The following INTS6 variants were observed in gnomAD, a reference collection of about 807,000 sequenced individuals.
INTS6 encodes the protein DEAD box protein.
INTS6 carries 16 observed loss-of-function variants against 104.9 expected under a neutral mutation model. That is an observed-to-expected ratio of 0.15 (90% CI 0.10 to 0.23). The LOEUF (loss-of-function observed/expected upper bound fraction) is 0.23, where lower values mean the gene tolerates loss of function less well. Ranked by LOEUF, INTS6 falls within the 10% of genes least tolerant of loss-of-function variation. The pLI is 1.00. For missense variants in INTS6, 584 were observed against 1,062.8 expected (o/e 0.55, Z 6.26); for synonymous variants, 324 against 358.7 (o/e 0.90, Z 1.09).
chr13:51,348,528 A>C, the INTS6 span: 1 of 758,596 alleles, frequency 1.3e-6, no homozygotes, highest in Non-Finnish European at 2.1e-6. Context: ...TGACTTGTTT[A>C]ATATGTATCC....
Position 51,382,123 on chromosome 13 carries a change from T to C in INTS6, c.1181A>G (p.Asp394Gly), listed in dbSNP as rs1956063044. The C allele has an allele frequency of 6.3e-7, 1 of 1,590,224 alleles. No homozygotes were observed. Among genetic ancestry groups the C allele is most frequent in the Non-Finnish European group, 8.6e-7 (1 of 1,160,246 alleles). ...YNYPVLLPLL[D>G]DLFKVHKAKP... ...TGCTTTATGCACTTTAAACAAGTCA[T>C]CTAGAAACGTATAATGTGAACAAAC... is the stretch of plus-strand genomic sequence containing the variant. The change falls in exon 10 of 18, where the codon GAT (aspartate) becomes GGT (glycine). Residue 394 changes from aspartate to glycine, a missense_variant and splice_region_variant. By Grantham distance (94) the Asp-to-Gly change is moderately conservative (BLOSUM62 -1). Around this residue, in one of 5 missense-constraint regions of INTS6, gnomAD observed 144 missense variants for 348.7 expected, o/e 0.41. Coordinates refer to ENST00000311234, the MANE Select transcript of INTS6 (RefSeq NM_012141.3).
chr13:51,397,674 T>C (rs184401717), intron 4 of INTS6, among the ~76,000 whole-genome samples: 45 of 152,324 alleles, frequency 3.0e-4, no homozygotes, highest in Admixed American at 2.7e-3. Flanking sequence ...ACTTGGTCAT[T>C]TTCTCTCTAA....
chr13:51,374,852 A>C (rs547579169), intron 13 of INTS6, 56 bp from the exon 14 acceptor site: 1 of 1,563,666 alleles, frequency 6.4e-7, no homozygotes, highest in South Asian at 1.1e-5. Context: ...TTCTCAAATA[A>C]TGTTTCCTTA....
At chr13:51,389,530 A>C (rs950164756) in intron 5 of INTS6, 86 bp from the exon 6 acceptor site, 31 of 1,295,994 alleles carry the variant, frequency 2.4e-5, no homozygotes, top group East Asian at 5.4e-5. Context: ...GCAAGAAAAA[A>C]ACAACTGTGG....
chr13:51,394,028 T>A (rs1255422964), intron 5 of INTS6, among the ~76,000 whole-genome samples: 7 of 141,440 alleles, frequency 4.9e-5, no homozygotes, highest in South Asian at 2.3e-4. Context: ...CCCCAGAGTT[T>A]AAAAAAAAAA....
At chr13:51,337,108 A>G in the INTS6 span, among the ~76,000 whole-genome samples, 1 of 152,128 alleles carries the variant, frequency 6.6e-6, no homozygotes, top group Non-Finnish European at 1.5e-5. Flanking sequence ...GTTCCCTCAG[A>G]CTTCTTTTAA....
Position 51,355,114 on chromosome 13 carries a change from C to T in INTS6, n.431-778G>A, listed in dbSNP as rs778775448. ...TGGGGAGTCACCGATCTTTTTGATCCACTCAAAGCTAACTTGAAAGGAATT... is the reference window on the plus strand; with the variant it reads ...TGGGGAGTCACCGATCTTTTTGATCTACTCAAAGCTAACTTGAAAGGAATT... On this transcript the variant is annotated intron_variant and non_coding_transcript_variant, in intron 3 of 3. Coordinates refer to the INTS6 transcript ENST00000476666. The T allele has an allele frequency of 1.7e-5, 26 of 1,543,802 alleles. No homozygotes were observed. The highest frequency in any genetic ancestry group is 2.2e-5 in the Non-Finnish European group (25 of 1,138,318).
chr13:51,355,209 T>G, intron 3 of INTS6: 1 of 751,938 alleles, frequency 1.3e-6, no homozygotes, highest in Non-Finnish European at 2.3e-6. Flanking sequence ...ATACTTTGAT[T>G]AAGGGATTCT....
In INTS6 at chr13:51,362,375, G is replaced by T. The variant is rs112585939; in HGVS notation, c.*3377C>A. ...GATCTTTCTCAAAAATCAAATGTTTGCCCTAGTACTTTTAAGTCCTACTAC... is the reference window on the plus strand; with the variant it reads ...GATCTTTCTCAAAAATCAAATGTTTTCCCTAGTACTTTTAAGTCCTACTAC... On this transcript the variant is annotated 3_prime_UTR_variant, in exon 18 of 18. Transcript: ENST00000311234. 0.012 allele frequency: 1,987 copies of T among 168,594 alleles called. 32 individuals carry two copies. The highest frequency in any genetic ancestry group is 0.07 in the East Asian group (389 of 5,570). The allele number at this position is 168,594 out of a possible 1,614,324, so 10.4% of individuals were successfully genotyped here.
At chr13:51,440,942 TA>T (rs1306375633) in intron 3 of INTS6, 1 of 152,200 alleles carries the variant, frequency 6.6e-6, no homozygotes, top group Non-Finnish European at 1.5e-5. Flanking sequence ...GGTTTCAGAC[TA>T]AAAAGCTTTT....
intron 11 of INTS6, among the ~76,000 whole-genome samples, chr13:51,378,741 T>C (rs563926873): frequency 6.6e-6 from 1 of 152,142 alleles, no homozygotes; most frequent in East Asian, 1.9e-4. Context: ...CCATGAAATA[T>C]AAATGCACAC....
At chr13:51,441,412 T>C (rs774972243) in intron 3 of INTS6, 5 of 152,158 alleles carry the variant, frequency 3.3e-5, no homozygotes, top group Non-Finnish European at 7.4e-5. Context: ...ATTTGTCTAA[T>C]GGGGAAAGTG....
At chr13:51,449,192 T>G (rs9634685) in intron 3 of INTS6, 1 of 152,254 alleles carries the variant, frequency 6.6e-6, no homozygotes, top group Admixed American at 6.5e-5. Flanking sequence ...AGCATTAATA[T>G]TATGCTTTGC....
the INTS6 span, among the ~76,000 whole-genome samples, chr13:51,338,336 A>G: frequency 6.6e-6 from 1 of 152,188 alleles, no homozygotes. Context: ...TCTAAGTCCC[A>G]TAGAAGCTGA....
intron 4 of INTS6, among the ~76,000 whole-genome samples, chr13:51,428,028 A>G (rs1957015021): frequency 6.6e-6 from 1 of 152,180 alleles, no homozygotes; most frequent in African/African-American, 2.4e-5. Flanking sequence ...CACAAAACAA[A>G]TTTTACAAAC....
At chr13:51,335,260 T>C in the INTS6 span, among the ~76,000 whole-genome samples, 1 of 152,074 alleles carries the variant, frequency 6.6e-6, no homozygotes, top group Non-Finnish European at 1.5e-5. Flanking sequence ...ATATCTAAAA[T>C]TGGCAAGGGA....
intron 16 of INTS6, 39 bp downstream of exon 16, chr13:51,368,900 C>T: frequency 6.6e-7 from 1 of 1,510,552 alleles, no homozygotes; most frequent in Non-Finnish European, 8.8e-7. Flanking sequence ...TGAGCACATA[C>T]AGAAATCAGA....
In INTS6 at chr13:51,452,219, G is replaced by A; in HGVS notation, c.112-164C>T. On this transcript the variant is annotated intron_variant, in intron 1 of 17. Coordinates refer to ENST00000311234, the MANE Select transcript of INTS6 (RefSeq NM_012141.3). The surrounding 1 kb of genome is among the most constrained non-coding windows in gnomAD (Gnocchi z 4.2). ...ACACACAGATCGCTCCCCACACACC[G>A]CCCGGGGCCGGAGCCCGGGCCCCGG... The A allele has an allele frequency of 1.5e-6, 1 of 647,960 alleles. No homozygotes were observed. Among genetic ancestry groups the A allele is most frequent in the Non-Finnish European group, 2.2e-6 (1 of 459,596 alleles). The allele number at this position is 647,960 out of a possible 1,614,324, so 40.1% of individuals were successfully genotyped here.
intron 3 of INTS6, chr13:51,445,894 T>C (rs974826984): frequency 3.9e-5 from 6 of 152,268 alleles, no homozygotes; most frequent in Non-Finnish European, 5.9e-5. Context: ...AAGAATGAAG[T>C]TGGACCCTTA....
Sources: gnomAD v4.1 joint callset for allele counts (sites outside exome capture counted in the v4.1 genomes callset) on GRCh38, gnomAD v4.1.1 for gene constraint, gnomAD v4.1.1 regional missense constraint, Gnocchi (gnomAD v3.1) non-coding constraint, MANE v1.5 for transcripts, NCBI Gene and HGNC (gene_info 2026-07-23, HGNC 2026-07-21) for gene names.